LRSAM1: variants seen among roughly 807,000 people sequenced by gnomAD.
LRSAM1 encodes the protein leucine rich repeat and sterile alpha motif containing 1, also known as E3 ubiquitin-protein ligase LRSAM1.
In LRSAM1, 96 loss-of-function variants were observed where a neutral mutation model predicts 118.1. The ratio of observed to expected loss-of-function variants is 0.81; its 90% confidence interval spans 0.69 to 0.96. The LOEUF (loss-of-function observed/expected upper bound fraction) is 0.96, where lower values mean the gene tolerates loss of function less well. Among genes scored for constraint, LRSAM1 ranks in the 40% least tolerant of loss-of-function variants. LRSAM1 has a pLI of 0.00. For missense variants in LRSAM1, 804 were observed against 915.5 expected, an observed-to-expected ratio of 0.88 and a Z score of 1.57; for synonymous variants, 322 against 364.2, an observed-to-expected ratio of 0.88 and a Z score of 1.32.
chr9:127,487,845 A>G (rs1835789169), intron 18 of LRSAM1, 82 bp downstream of exon 18: 2 of 1,190,758 alleles, frequency 1.7e-6, no homozygotes, highest in South Asian at 2.5e-5. Context: ...CTCCACACGG[A>G]GCCCTTCCTA....
At chr9:127,489,548 T>G in intron 19 of LRSAM1, 30 bp downstream of exon 19, 1 of 1,583,344 alleles carries the variant, frequency 6.3e-7, no homozygotes, top group Non-Finnish European at 8.6e-7. Flanking sequence ...TCCCTGGACC[T>G]GCTCTCTCAG....
intron 9 of LRSAM1, among the ~76,000 whole-genome samples, chr9:127,466,456 TATC>T (rs931522309): frequency 6.8e-5 from 9 of 132,550 alleles, no homozygotes; most frequent in African/African-American, 2.5e-4. Context: ...ATGAATATAT[TATC>T]TAACAAAGGA....
chr9:127,501,147 A>G lies in LRSAM1; in HGVS notation c.2046+4A>G. The G allele has an allele frequency of 2.5e-6, 4 of 1,612,232 alleles. No individual in the cohort carries two copies. The highest frequency in any genetic ancestry group is 3.4e-6 in the Non-Finnish European group (4 of 1,179,844). On this transcript the variant is annotated splice_donor_region_variant and intron_variant, in intron 25 of 25. Coordinates refer to ENST00000300417, the MANE Select transcript of LRSAM1 (RefSeq NM_001005373.4). ...TGTCGTGTGCCTGGAACGGGAGGTA[A>G]GTCCGGGGCCCTCCCCACCCGCCTG...
Position 127,497,253 on chromosome 9 carries a change from G to C in LRSAM1, c.1831G>C (p.Val611Leu). Residue 611 changes from valine (V) to leucine (L), a missense_variant and splice_region_variant, in exon 24 of 26, where the codon GTG becomes CTG. Transcript: ENST00000300417. ...TCTGCACTTCCTTGAACTGTCACAGGTGGGCGTCTCAGAAGCTGGCCTGCA... is the reference window on the plus strand; with the variant it reads ...TCTGCACTTCCTTGAACTGTCACAGCTGGGCGTCTCAGAAGCTGGCCTGCA... ...SQMSPGDLAK[V>L]GVSEAGLQHE... 6.2e-7 allele frequency: 1 copy of C among 1,613,146 alleles called. No individual in the cohort carries two copies. Among genetic ancestry groups the C allele is most frequent in the Non-Finnish European group, 8.5e-7 (1 of 1,179,960 alleles).
At chr9:127,495,874 T>C in intron 22 of LRSAM1, 90 bp from the exon 23 acceptor site, 5 of 1,537,702 alleles carry the variant, frequency 3.3e-6, no homozygotes, top group Non-Finnish European at 4.4e-6. Context: ...CTATGTATTA[T>C]GTTATAAATA....
At position 127,479,424 on chromosome 9, in the gene LRSAM1, G is replaced by A. The variant is rs146079606; in HGVS notation, c.822G>A (p.Leu274=). 1.2e-4 allele frequency: 194 copies of A among 1,614,070 alleles called. No individual in the cohort carries two copies. Among genetic ancestry groups the A allele is most frequent in the Non-Finnish European group, 1.5e-4 (180 of 1,180,042 alleles). The change falls in exon 13 of 26, where the codon CTG becomes CTA. Residue 274 remains leucine, a synonymous_variant. Transcript: ENST00000300417. ...AGAAACTCGAGTTTGAACGGCGCCT[G>A]GAACTGGGGCAGCGGGAGCACACCC... ...MLEKLEFERR[L]ELGQREHTQL... is the part of the protein sequence containing the mutation.
chr9:127,460,878 C>T (rs550750752), intron 7 of LRSAM1, among the ~76,000 whole-genome samples: 13 of 73,414 alleles, frequency 1.8e-4, no homozygotes, highest in Admixed American at 7.0e-4. Context: ...TTTTTTGAGA[C>T]GGAGTCTCAC....
intron 21 of LRSAM1, among the ~76,000 whole-genome samples, chr9:127,495,047 G>A (rs562854965): frequency 1.3e-5 from 2 of 152,328 alleles, no homozygotes; most frequent in South Asian, 4.1e-4. Flanking sequence ...TGCCTCCCGG[G>A]CTCAAGAGAT....
chr9:127,468,185 AGAGAGG>A lies in LRSAM1; in HGVS notation c.619+357_619+362del, dbSNP rs144502205. ...AGGGCCTTGATGGGAAGTTTGACAG[AGAGAGG>A]GCCAGTGTAGCTGGAGGGAGGAAGC... On this transcript the variant is annotated intron_variant, in intron 10 of 25. Transcript: ENST00000300417. 8.5e-4 allele frequency among the ~76,000 whole-genome samples: 130 copies of A among 152,224 alleles called. 2 individuals are homozygous for A. In the East Asian group the frequency reaches 0.024, roughly 28 times the overall value.
chr9:127,486,291 C>G (rs1380366349), intron 17 of LRSAM1: 1 of 208,270 alleles, frequency 4.8e-6, no homozygotes, highest in African/African-American at 2.3e-5. Flanking sequence ...CTGAGGACCC[C>G]CACGGTTGGG....
chr9:127,479,110 C>A, intron 12 of LRSAM1, 147 bp downstream of exon 12: 1 of 948,428 alleles, frequency 1.1e-6, no homozygotes. Context: ...CTGCTGCATC[C>A]TCACATGCCT....
chr9:127,459,176 TG>T, intron 7 of LRSAM1, 105 bp downstream of exon 7: 1 of 1,087,636 alleles, frequency 9.2e-7, no homozygotes, highest in Non-Finnish European at 1.4e-6. Context: ...GGAAGCAGGC[TG>T]CAATCAGTGC....
At chr9:127,459,521 T>C (rs982993472) in intron 7 of LRSAM1, among the ~76,000 whole-genome samples, 2 of 151,846 alleles carry the variant, frequency 1.3e-5, no homozygotes, top group African/African-American at 4.8e-5. Context: ...GCCTGACCAA[T>C]TGTACCACTT....
At chr9:127,491,150 A>G (rs1475998664) in intron 19 of LRSAM1, 65 bp from the exon 20 acceptor site, 1 of 1,358,978 alleles carries the variant, frequency 7.4e-7, no homozygotes, top group African/African-American at 1.4e-5. Context: ...ACCAGAGAGT[A>G]GCAGCACAAA....
At position 127,502,800 on chromosome 9, in the gene LRSAM1, C is replaced by T; in HGVS notation, c.2073C>T (p.Gly691=). Residue 691 remains glycine, a synonymous_variant, in exon 26 of 26, where the codon GGC becomes GGT. Transcript: ENST00000300417. ...REAQMIFLNC[G]HVCCCQQCCQ... ...CCCAGATGATCTTCCTCAACTGTGG[C>T]CACGTCTGCTGCTGCCAGCAGTGCT... 1 of 1,612,632 alleles carries T rather than the reference C, an allele frequency of 6.2e-7. No homozygotes were observed. The highest frequency in any genetic ancestry group is 8.5e-7 in the Non-Finnish European group (1 of 1,179,774).
chr9:127,491,330 G>A (rs548479612), intron 20 of LRSAM1, 35 bp downstream of exon 20: 48 of 1,554,794 alleles, frequency 3.1e-5, no homozygotes, highest in South Asian at 2.0e-4. Context: ...CCTCCTTCAC[G>A]TGGTGAGACC....
At position 127,473,881 on chromosome 9, in the gene LRSAM1, A is replaced by G; in HGVS notation, c.700A>G (p.Ser234Gly). Residue 234 changes from serine (S) to glycine (G), a missense_variant, in exon 11 of 26, where the codon AGC becomes GGC. Transcript: ENST00000300417. ...EQDGIENSRD[S>G]PDGPTDRFSR... ...AGATGGAATCGAGAACTCTCGGGACAGCCCTGATGGGCCCACGGACAGATT... is the reference window on the plus strand; with the variant it reads ...AGATGGAATCGAGAACTCTCGGGACGGCCCTGATGGGCCCACGGACAGATT... 1.2e-6 allele frequency: 2 copies of G among 1,614,274 alleles called. No individual in the cohort carries two copies. The highest frequency in any genetic ancestry group is 1.7e-6 in the Non-Finnish European group (2 of 1,180,050).
chr9:127,463,959 C>T lies in LRSAM1; in HGVS notation c.528+1586C>T, dbSNP rs553953439. Among the ~76,000 whole-genome samples, 2 of 152,386 alleles carry T rather than the reference C, an allele frequency of 1.3e-5. 1 individual carries two copies. The highest frequency in any genetic ancestry group is 4.1e-4 in the South Asian group (2 of 4,834). On this transcript the variant is annotated intron_variant, in intron 9 of 25. Coordinates refer to ENST00000300417, the MANE Select transcript of LRSAM1 (RefSeq NM_001005373.4). The stretch of plus-strand genomic sequence containing the variant: ...AACTTGCCCAAGGGCCACACAGTCA[C>T]TGACAGCAGAGATCGTTGTAAACCA...
chr9:127,501,569 T>TAA (rs1366772005), intron 25 of LRSAM1, among the ~76,000 whole-genome samples: 2 of 151,914 alleles, frequency 1.3e-5, no homozygotes, highest in African/African-American at 2.4e-5. Flanking sequence ...CCATCTCTAC[T>TAA]AAAAATACAA....
Sources: gnomAD v4.1 joint callset for allele counts (sites outside exome capture counted in the v4.1 genomes callset) on GRCh38, gnomAD v4.1.1 for gene constraint, MANE v1.5 for transcripts, NCBI Gene and HGNC (gene_info 2026-07-23, HGNC 2026-07-21) for gene names.